The following FUT8 variants were observed in gnomAD, a reference collection of about 807,000 sequenced individuals.
The protein encoded by FUT8 is alpha-(1,6)-fucosyltransferase.
In FUT8, 29 loss-of-function variants were observed where a neutral mutation model predicts 71.3. The observed-to-expected ratio is 0.41, with a 90% CI of 0.30 to 0.55. The LOEUF (loss-of-function observed/expected upper bound fraction) is 0.55, where lower values mean the gene tolerates loss of function less well. FUT8 is among the 20% of genes least tolerant of loss of function. The pLI is 0.34. For synonymous variants in FUT8, 254 were observed against 239.3 expected, an observed-to-expected ratio of 1.06 and a Z score of -0.57; for missense variants, 544 against 702.1, an observed-to-expected ratio of 0.77 and a Z score of 2.55.
the FUT8 span, among the ~76,000 whole-genome samples, chr14:65,391,304 G>T: frequency 3.3e-5 from 5 of 152,146 alleles, no homozygotes; most frequent in African/African-American, 1.2e-4. Context: ...TTCTACAGAT[G>T]ATGTAGCTGT....
At chr14:65,555,198 T>C (rs1885524342) in intron 2 of FUT8, among the ~76,000 whole-genome samples, 1 of 152,196 alleles carries the variant, frequency 6.6e-6, no homozygotes, top group Non-Finnish European at 1.5e-5. Flanking sequence ...ATATTTATCT[T>C]GCCCTTTACA....
At position 65,488,157 on chromosome 14, in the gene FUT8, T is replaced by C. The variant is rs2066435748; in HGVS notation, c.-228+32439T>C. 2.0e-5 allele frequency among the ~76,000 whole-genome samples: 3 copies of C among 152,192 alleles called. No individual in the cohort carries two copies. In the South Asian group the frequency reaches 6.2e-4, roughly 31 times the overall value. The stretch of plus-strand genomic sequence containing the variant: ...CTTGGATCCTGTTATGTAGGTGCTC[T>C]GTAGTAGAGGAAACAGTAATATATG... On this transcript the variant is annotated intron_variant, in intron 2 of 10. Coordinates refer to ENST00000673929, the MANE Select transcript of FUT8 (RefSeq NM_001371533.1).
chr14:65,561,848 A>C (rs547878285), intron 3 of FUT8, 82 bp downstream of exon 3: 1 of 1,108,240 alleles, frequency 9.0e-7, no homozygotes, highest in Non-Finnish European at 1.3e-6. Context: ...GCTAGGAAAA[A>C]TAGTTAATTA....
chr14:65,661,736 C>T (rs1474114407), intron 6 of FUT8, among the ~76,000 whole-genome samples: 1 of 152,158 alleles, frequency 6.6e-6, no homozygotes, highest in African/African-American at 2.4e-5. Context: ...TCAGTGGAAA[C>T]CCATAAATCC....
At chr14:65,468,142 G>A in intron 2 of FUT8, 1 of 638,036 alleles carries the variant, frequency 1.6e-6, no homozygotes, top group South Asian at 1.5e-5. Flanking sequence ...AGCATGTTGG[G>A]TAACACTGCA....
chr14:65,449,823 A>G (rs886346015), intron 1 of FUT8, among the ~76,000 whole-genome samples: 1 of 152,222 alleles, frequency 6.6e-6, no homozygotes, highest in African/African-American at 2.4e-5. Flanking sequence ...AGCTTTGGGG[A>G]AACCTAGAAT....
At chr14:65,514,981 A>G (rs1444626986) in intron 2 of FUT8, among the ~76,000 whole-genome samples, 1 of 148,662 alleles carries the variant, frequency 6.7e-6, no homozygotes, top group Non-Finnish European at 1.5e-5. Flanking sequence ...CTTTGACATT[A>G]GTAATATTTG....
the FUT8 span, among the ~76,000 whole-genome samples, chr14:65,362,522 C>T: frequency 6.6e-6 from 1 of 151,924 alleles, no homozygotes; most frequent in East Asian, 1.9e-4. Context: ...AACAAACAAA[C>T]AAACAAACAA....
chr14:65,504,592 T>C (rs1025944001), intron 2 of FUT8, among the ~76,000 whole-genome samples: 2 of 152,230 alleles, frequency 1.3e-5, no homozygotes, highest in Non-Finnish European at 2.9e-5. Flanking sequence ...ACTTTTTTTC[T>C]CTTTTTAGAA....
At chr14:65,423,323 G>A (rs924352600) in intron 1 of FUT8, among the ~76,000 whole-genome samples, 8 of 148,152 alleles carry the variant, frequency 5.4e-5, no homozygotes, top group African/African-American at 1.5e-4. Flanking sequence ...GTGCAGTGGC[G>A]CAATCTCTGC....
At chr14:65,716,612 G>A (rs1473977216) in intron 7 of FUT8, among the ~76,000 whole-genome samples, 1 of 151,972 alleles carries the variant, frequency 6.6e-6, no homozygotes, top group Non-Finnish European at 1.5e-5. Flanking sequence ...ACAAAATGGA[G>A]TCTCCTATGT....
chr14:65,576,155 G>A (rs1193545821), intron 3 of FUT8, among the ~76,000 whole-genome samples: 2 of 152,122 alleles, frequency 1.3e-5, no homozygotes, highest in African/African-American at 4.8e-5. Flanking sequence ...AACTATGGCC[G>A]TGGGACAAGT....
intron 9 of FUT8, among the ~76,000 whole-genome samples, chr14:65,727,763 T>G (rs1260505368): frequency 1.3e-5 from 2 of 152,232 alleles, no homozygotes; most frequent in Non-Finnish European, 2.9e-5. Flanking sequence ...TGGGATTTTC[T>G]TTTCTGTCAC....
In FUT8 at chr14:65,644,833, A is replaced by T. The variant is rs1391432105; in HGVS notation, c.597+15227A>T. 2.0e-5 allele frequency among the ~76,000 whole-genome samples: 3 copies of T among 152,288 alleles called. No homozygotes were observed. The East Asian group carries it at 5.8e-4, about 29-fold the overall frequency. Reference sequence around the variant, plus strand: ...ATTTAATGTATATTGTTGATTTATTAACATGGATAACTCATATGTGAACAA... The same window carrying T: ...ATTTAATGTATATTGTTGATTTATTTACATGGATAACTCATATGTGAACAA... On this transcript the variant is annotated intron_variant, in intron 6 of 10. Coordinates refer to ENST00000673929, the MANE Select transcript of FUT8 (RefSeq NM_001371533.1).
intron 7 of FUT8, among the ~76,000 whole-genome samples, chr14:65,677,626 G>C (rs577022935): frequency 5.9e-5 from 9 of 152,076 alleles, no homozygotes; most frequent in Admixed American, 5.9e-4. Context: ...ACTGTATTAG[G>C]TATAAATAAT....
At chr14:65,399,272 G>A in the FUT8 span, among the ~76,000 whole-genome samples, 5 of 152,128 alleles carry the variant, frequency 3.3e-5, no homozygotes, top group Non-Finnish European at 5.9e-5. Flanking sequence ...AGCCGCGATC[G>A]CGCCACTGCA....
At chr14:65,692,256 T>C (rs1413755183) in intron 7 of FUT8, among the ~76,000 whole-genome samples, 17 of 125,200 alleles carry the variant, frequency 1.4e-4, no homozygotes, top group African/African-American at 2.2e-4. Context: ...CCCTCCCAGA[T>C]GGGGCGGCTG....
At chr14:65,497,267 A>C (rs1340429051) in intron 2 of FUT8, among the ~76,000 whole-genome samples, 1 of 152,154 alleles carries the variant, frequency 6.6e-6, no homozygotes, top group Non-Finnish European at 1.5e-5. Context: ...TCAGATCTGA[A>C]GGACTTGTTT....
chr14:65,566,084 A>C (rs75659957), intron 3 of FUT8, among the ~76,000 whole-genome samples: 5,182 of 152,038 alleles, frequency 0.034, 135 homozygotes, highest in Middle Eastern at 0.099. Flanking sequence ...ATGTGGCTGC[A>C]GTCATCTGGT....
Sources: allele counts gnomAD v4.1 joint callset (sites outside exome capture counted in the v4.1 genomes callset), GRCh38; gene constraint gnomAD v4.1.1; transcripts MANE v1.5; gene names NCBI Gene and HGNC (gene_info 2026-07-23, HGNC 2026-07-21).